The following GNAQ variants were observed in gnomAD, a reference collection of about 807,000 sequenced individuals.
GNAQ encodes guanine nucleotide-binding protein G(q) subunit alpha.
Under a neutral mutation model 43.9 loss-of-function variants are expected in GNAQ, and 8 were observed. That is an observed-to-expected ratio of 0.18 (90% CI 0.11 to 0.33). The LOEUF (loss-of-function observed/expected upper bound fraction) is 0.33, where lower values mean the gene tolerates loss of function less well. Ranked by LOEUF, GNAQ falls within the 10% of genes least tolerant of loss-of-function variation. The pLI is 1.00. For synonymous variants in GNAQ, 155 were observed against 170.7 expected (o/e 0.91, Z 0.71); for missense variants, 158 against 450.8 (o/e 0.35, Z 5.88).
chr9:77,842,167 C>A (rs569373951), intron 2 of GNAQ, among the ~76,000 whole-genome samples: 2 of 152,314 alleles, frequency 1.3e-5, no homozygotes, highest in Admixed American at 6.5e-5. Flanking sequence ...GTCATCAGAG[C>A]TACAACTCCC....
intron 1 of GNAQ, among the ~76,000 whole-genome samples, chr9:78,012,118 G>A (rs1347864925): frequency 6.6e-6 from 1 of 152,102 alleles, no homozygotes; most frequent in African/African-American, 2.4e-5. Flanking sequence ...TATCTGCTGG[G>A]AAACAATGGA....
At chr9:77,922,435 A>T (rs1458372211) in intron 1 of GNAQ, 90 bp from the exon 2 acceptor site, 2 of 876,328 alleles carry the variant, frequency 2.3e-6, no homozygotes, top group Non-Finnish European at 3.6e-6. Context: ...TGGATTTAAC[A>T]TCCCCAGATA....
At chr9:77,818,742 G>A (rs1827060222) in intron 2 of GNAQ, among the ~76,000 whole-genome samples, 2 of 152,180 alleles carry the variant, frequency 1.3e-5, no homozygotes, top group Admixed American at 6.5e-5. Context: ...GCTCATGCCT[G>A]TAATCCTAGC....
chr9:77,811,940 A>T (rs1826934670), intron 3 of GNAQ, among the ~76,000 whole-genome samples: 1 of 152,184 alleles, frequency 6.6e-6, no homozygotes, highest in African/African-American at 2.4e-5. Flanking sequence ...TCTACAAAAA[A>T]TGAAGGAAAC....
intron 2 of GNAQ, among the ~76,000 whole-genome samples, chr9:77,876,593 T>C (rs1473459774): frequency 2.0e-5 from 3 of 152,238 alleles, no homozygotes; most frequent in African/African-American, 7.2e-5. Context: ...CTTAAACCCA[T>C]TGTTTCCAGC....
intron 1 of GNAQ, among the ~76,000 whole-genome samples, chr9:77,942,688 G>C (rs565199175): frequency 5.0e-4 from 76 of 152,260 alleles, no homozygotes; most frequent in African/African-American, 1.8e-3. Flanking sequence ...AAACACAGTA[G>C]AGGATCAAAG....
chr9:77,827,396 A>C (rs989793949), intron 2 of GNAQ, among the ~76,000 whole-genome samples: 10 of 151,838 alleles, frequency 6.6e-5, no homozygotes, highest in South Asian at 2.1e-4. Flanking sequence ...AAAAAAAAAA[A>C]AAAAACTGAG....
At chr9:77,993,088 A>G (rs541886509) in intron 1 of GNAQ, among the ~76,000 whole-genome samples, 3 of 152,346 alleles carry the variant, frequency 2.0e-5, no homozygotes, top group Non-Finnish European at 4.4e-5. Context: ...GTAACCTTAT[A>G]TATAAAACAC....
chr9:77,828,153 T>C (rs1024112004), intron 2 of GNAQ, among the ~76,000 whole-genome samples: 7 of 145,434 alleles, frequency 4.8e-5, no homozygotes, highest in Non-Finnish European at 8.9e-5. Flanking sequence ...ACTGCAGTTA[T>C]AGACAGAAAC....
At chr9:77,969,687 C>T (rs1273885216) in intron 1 of GNAQ, among the ~76,000 whole-genome samples, 1 of 152,182 alleles carries the variant, frequency 6.6e-6, no homozygotes, top group Admixed American at 6.5e-5. Flanking sequence ...ACTTTCTAGC[C>T]ACATCAACAG....
intron 2 of GNAQ, among the ~76,000 whole-genome samples, chr9:77,853,798 A>C (rs1257464087): frequency 6.6e-6 from 1 of 151,036 alleles, no homozygotes; most frequent in South Asian, 2.1e-4. Context: ...AAAAAAAAAA[A>C]AACCCACAGG....
intron 5 of GNAQ, among the ~76,000 whole-genome samples, chr9:77,738,642 A>G (rs1293932672): frequency 2.0e-5 from 3 of 152,130 alleles, no homozygotes; most frequent in African/African-American, 7.2e-5. Context: ...CCATTTTTGT[A>G]CCATTGTTGT....
rs190117109 is a variant in GNAQ, at chr9:77,872,237, C to T, written c.321+49924G>A. 5.9e-3 allele frequency among the ~76,000 whole-genome samples: 903 copies of T among 152,304 alleles called. 6 individuals are homozygous for T. The highest frequency in any genetic ancestry group is 9.1e-3 in the Non-Finnish European group (619 of 68,016). On this transcript the variant is annotated intron_variant, in intron 2 of 6. Coordinates refer to ENST00000286548, the MANE Select transcript of GNAQ (RefSeq NM_002072.5). ...ATTGTTGTTTGGTTGTAAAGCAGAACTTAAAAATTACATATGGTCAAATTA... is the reference window on the plus strand; with the variant it reads ...ATTGTTGTTTGGTTGTAAAGCAGAATTTAAAAATTACATATGGTCAAATTA...
At chr9:77,888,161 G>A (rs1056788979) in intron 2 of GNAQ, among the ~76,000 whole-genome samples, 2 of 151,834 alleles carry the variant, frequency 1.3e-5, no homozygotes, top group Non-Finnish European at 2.9e-5. Flanking sequence ...GTTTTGATGG[G>A]GTCCCAATTT....
chr9:78,014,164 AG>A (rs1823808278), intron 1 of GNAQ, among the ~76,000 whole-genome samples: 1 of 152,228 alleles, frequency 6.6e-6, no homozygotes, highest in South Asian at 2.1e-4. Flanking sequence ...GAAAGAGAAA[AG>A]GAAATAATGG....
intron 5 of GNAQ, among the ~76,000 whole-genome samples, chr9:77,772,684 GT>G (rs1826245815): frequency 6.6e-6 from 1 of 152,076 alleles, no homozygotes; most frequent in African/African-American, 2.4e-5. Context: ...CTTCACCCTG[GT>G]TCTTCCTGGT....
chr9:77,928,031 A>G (rs1829094600), intron 1 of GNAQ, among the ~76,000 whole-genome samples: 1 of 152,244 alleles, frequency 6.6e-6, no homozygotes, highest in Admixed American at 6.5e-5. Context: ...TGGATGAAGT[A>G]GAACTAGAAA....
chr9:77,736,644 G>T (rs537132538), intron 5 of GNAQ, among the ~76,000 whole-genome samples: 1 of 152,108 alleles, frequency 6.6e-6, no homozygotes, highest in Non-Finnish European at 1.5e-5. Flanking sequence ...TCAGGCCCTT[G>T]TAAAGTGAAC....
intron 1 of GNAQ, among the ~76,000 whole-genome samples, chr9:77,979,631 G>C (rs10781476): frequency 0.21 from 32,379 of 152,002 alleles, 3,673 homozygotes; most frequent in South Asian, 0.39. Flanking sequence ...ATGCCCAAGG[G>C]GGGGGAGACT....
Sources: gnomAD v4.1 joint callset for allele counts (sites outside exome capture counted in the v4.1 genomes callset) on GRCh38, gnomAD v4.1.1 for gene constraint, MANE v1.5 for transcripts, NCBI Gene and HGNC (gene_info 2026-07-23, HGNC 2026-07-21) for gene names.